NEMP2: variants seen among roughly 807,000 people sequenced by gnomAD.
NEMP2 encodes nuclear envelope integral membrane protein 2.
In NEMP2, 53 loss-of-function variants were observed where a neutral mutation model predicts 54.2. The observed-to-expected ratio is 0.98, with a 90% CI of 0.78 to 1.23. NEMP2 has a LOEUF of 1.23. NEMP2 is among the 50% of genes most tolerant of loss of function. The pLI is 0.00. For synonymous variants in NEMP2, 197 were observed against 190.3 expected (o/e 1.04, Z -0.29); for missense variants, 455 against 511.3 (o/e 0.89, Z 1.06).
At chr2:190,623,094 C>G in the NEMP2 span, among the ~76,000 whole-genome samples, 3 of 151,914 alleles carry the variant, frequency 2.0e-5, no homozygotes. Flanking sequence ...TACAAAATAC[C>G]TATGAATAAA....
chr2:190,471,310 G>T, the NEMP2 span, among the ~76,000 whole-genome samples: 1 of 152,238 alleles, frequency 6.6e-6, no homozygotes, highest in Non-Finnish European at 1.5e-5. This position sits in a 1 kb window ranked among gnomAD's most constrained non-coding sequence, Gnocchi z 4.7. Flanking sequence ...CACCCAGGAA[G>T]CACAAGGGGT....
At chr2:190,644,659 C>A in the NEMP2 span, among the ~76,000 whole-genome samples, 1 of 152,080 alleles carries the variant, frequency 6.6e-6, no homozygotes, top group Non-Finnish European at 1.5e-5. The surrounding 1 kb of genome is among the most constrained non-coding windows in gnomAD (Gnocchi z 4.4). Flanking sequence ...AAATCAAATA[C>A]CTCATGCTCT....
the NEMP2 span, among the ~76,000 whole-genome samples, chr2:190,429,742 A>C: frequency 6.6e-6 from 1 of 152,098 alleles, no homozygotes; most frequent in African/African-American, 2.4e-5. Flanking sequence ...TTTTCTTCTA[A>C]AAGCTATGTT....
the NEMP2 span, among the ~76,000 whole-genome samples, chr2:190,481,183 T>C: frequency 2.0e-5 from 3 of 152,380 alleles, no homozygotes; most frequent in African/African-American, 7.2e-5. Flanking sequence ...TTTTGGGTGG[T>C]AGTCTCCTAA....
chr2:190,497,333 C>T, the NEMP2 span: 1 of 1,279,894 alleles, frequency 7.8e-7, no homozygotes, highest in Non-Finnish European at 1.1e-6. The surrounding 1 kb of genome is among the most constrained non-coding windows in gnomAD (Gnocchi z 5.2). Context: ...TTATCAAGCA[C>T]TCTGGAATGG....
chr2:190,543,321 G>A, the NEMP2 span, among the ~76,000 whole-genome samples: 7 of 152,358 alleles, frequency 4.6e-5, no homozygotes, highest in African/African-American at 1.7e-4. This position sits in a 1 kb window ranked among gnomAD's most constrained non-coding sequence, Gnocchi z 4.7. Context: ...CCAAGTCACT[G>A]AGCAGAGTTT....
chr2:190,560,204 C>T, the NEMP2 span, among the ~76,000 whole-genome samples: 1 of 152,106 alleles, frequency 6.6e-6, no homozygotes, highest in Non-Finnish European at 1.5e-5. This position sits in a 1 kb window ranked among gnomAD's most constrained non-coding sequence, Gnocchi z 5.4. Flanking sequence ...GGTAGGAGCC[C>T]GTGGGTGGGA....
the NEMP2 span, among the ~76,000 whole-genome samples, chr2:190,619,241 G>T: frequency 6.6e-6 from 1 of 151,960 alleles, no homozygotes; most frequent in African/African-American, 2.4e-5. This position sits in a 1 kb window ranked among gnomAD's most constrained non-coding sequence, Gnocchi z 5.5. Flanking sequence ...AGCTGGGCGT[G>T]GTGGTGCATG....
the NEMP2 span, among the ~76,000 whole-genome samples, chr2:190,615,985 T>G: frequency 9.2e-5 from 14 of 152,312 alleles, no homozygotes; most frequent in Admixed American, 3.3e-4. This position sits in a 1 kb window ranked among gnomAD's most constrained non-coding sequence, Gnocchi z 4.7. Flanking sequence ...CCTCCTTCCC[T>G]CCTCATTTTC....
At chr2:190,613,288 T>C in the NEMP2 span, among the ~76,000 whole-genome samples, 1 of 152,206 alleles carries the variant, frequency 6.6e-6, no homozygotes, top group African/African-American at 2.4e-5. Context: ...GGTATTTTAC[T>C]AAATAATTCA....
the NEMP2 span, among the ~76,000 whole-genome samples, chr2:190,601,227 T>G: frequency 1.3e-5 from 2 of 152,038 alleles, no homozygotes; most frequent in Non-Finnish European, 2.9e-5. This position sits in a 1 kb window ranked among gnomAD's most constrained non-coding sequence, Gnocchi z 5.8. Flanking sequence ...AGATTGGAGT[T>G]ATGCTGCCAC....
At chr2:190,594,581 T>A in the NEMP2 span, among the ~76,000 whole-genome samples, 2 of 152,206 alleles carry the variant, frequency 1.3e-5, no homozygotes, top group African/African-American at 2.4e-5. The surrounding 1 kb of genome is among the most constrained non-coding windows in gnomAD (Gnocchi z 5.6). Context: ...TTTTAATGGT[T>A]TTTTTCTTTT....
chr2:190,585,739 G>A, the NEMP2 span, among the ~76,000 whole-genome samples: 2 of 152,110 alleles, frequency 1.3e-5, no homozygotes, highest in Non-Finnish European at 2.9e-5. This position sits in a 1 kb window ranked among gnomAD's most constrained non-coding sequence, Gnocchi z 5.3. Flanking sequence ...CGATCCTATT[G>A]ATCCTTCTCT....
At chr2:190,481,865 A>G in the NEMP2 span, among the ~76,000 whole-genome samples, 2 of 152,220 alleles carry the variant, frequency 1.3e-5, no homozygotes, top group Non-Finnish European at 2.9e-5. Flanking sequence ...TGCTCTTTGT[A>G]GGATCCTCCG....
chr2:190,534,835 C>G, upstream of NEMP2: 1 of 436,174 alleles, frequency 2.3e-6, no homozygotes, highest in Non-Finnish European at 3.8e-6. Flanking sequence ...CCAGCCTCCG[C>G]CCGCGGCCTC....
At chr2:190,471,474 C>G in the NEMP2 span, among the ~76,000 whole-genome samples, 9 of 152,326 alleles carry the variant, frequency 5.9e-5, no homozygotes, top group Non-Finnish European at 1.3e-4. This position sits in a 1 kb window ranked among gnomAD's most constrained non-coding sequence, Gnocchi z 4.7. Context: ...GTCCTACGCC[C>G]ACGGAGCCTC....
downstream of NEMP2, among the ~76,000 whole-genome samples, chr2:190,503,001 G>A (rs1690088082): frequency 6.6e-6 from 1 of 152,216 alleles, no homozygotes. The surrounding 1 kb of genome is among the most constrained non-coding windows in gnomAD (Gnocchi z 6.3). Context: ...GAGGCAGGGA[G>A]GCCATTCCCT....
In NEMP2 at chr2:190,528,169, C is replaced by T. The variant is rs1691008241; in HGVS notation, c.98-2791G>A. ...GATGCAAATGACTTCTGGCCAAGGG[C>T]AGCATAGGGGGAAGTGCAGTCCCAG... On this transcript the variant is annotated intron_variant, in intron 1 of 8. Coordinates refer to ENST00000409150, the MANE Select transcript of NEMP2 (RefSeq NM_001142645.2). This position sits in a 1 kb window ranked among gnomAD's most constrained non-coding sequence, Gnocchi z 4.3. Among the ~76,000 whole-genome samples the T allele has an allele frequency of 6.6e-6, 1 of 152,160 alleles. No homozygotes were observed. Among genetic ancestry groups the T allele is most frequent in the Non-Finnish European group, 1.5e-5 (1 of 68,040 alleles).
At chr2:190,477,343 G>A in the NEMP2 span, 1 of 984,108 alleles carries the variant, frequency 1.0e-6, no homozygotes, top group Non-Finnish European at 1.2e-6. Flanking sequence ...TTATTTATTG[G>A]TATGCTACAG....
Sources: allele counts gnomAD v4.1 joint callset (sites outside exome capture counted in the v4.1 genomes callset), GRCh38; gene constraint gnomAD v4.1.1; non-coding constraint Gnocchi (gnomAD v3.1); transcripts MANE v1.5; gene names NCBI Gene and HGNC (gene_info 2026-07-23, HGNC 2026-07-21).